The following ATXN1 variants were observed in gnomAD, a reference collection of about 807,000 sequenced individuals.
The protein encoded by ATXN1 is ataxin-1.
Under a neutral mutation model 56.4 loss-of-function variants are expected in ATXN1, and 8 were observed. The observed-to-expected ratio is 0.14, with a 90% CI of 0.08 to 0.26. The LOEUF is 0.26. Ranked by LOEUF, ATXN1 falls within the 10% of genes least tolerant of loss-of-function variation. The probability of loss-of-function intolerance (pLI) is 1.00; values close to 1 mark genes in which losing one functional copy is unlikely to be tolerated. For synonymous variants in ATXN1, 514 were observed against 494.6 expected (o/e 1.04, Z -0.52); for missense variants, 987 against 1,106.5 (o/e 0.89, Z 1.53).
chr6:16,556,093 TATTATCTTTTGCTTACAAATGATAAA>T (rs1440303575), intron 4 of ATXN1, among the ~76,000 whole-genome samples: 2 of 152,258 alleles, frequency 1.3e-5, no homozygotes. Context: ...AACTCTGTAT[TATTATCTTTTGCTTACAAATGATAAA>T]ATATTTCACT....
intron 2 of ATXN1, among the ~76,000 whole-genome samples, chr6:16,744,137 C>T (rs960687129): frequency 6.6e-6 from 1 of 152,136 alleles, no homozygotes; most frequent in Non-Finnish European, 1.5e-5. Context: ...CCAAACCACC[C>T]CAGCTCAGCA....
chr6:16,647,494 G>A (rs548354872), intron 3 of ATXN1, among the ~76,000 whole-genome samples: 178 of 152,258 alleles, frequency 1.2e-3, no homozygotes, highest in African/African-American at 4.2e-3. Context: ...AACTACCTAA[G>A]AAAACATATG....
At chr6:16,346,753 C>T (rs763450278) in intron 6 of ATXN1, among the ~76,000 whole-genome samples, 18 of 152,212 alleles carry the variant, frequency 1.2e-4, no homozygotes, top group Non-Finnish European at 1.9e-4. Context: ...GCTCTCTGCG[C>T]CTCCTCTGCC....
chr6:16,494,009 C>T (rs1230270970), intron 5 of ATXN1, among the ~76,000 whole-genome samples: 1 of 152,170 alleles, frequency 6.6e-6, no homozygotes, highest in East Asian at 1.9e-4. Flanking sequence ...GTGCAGAGCC[C>T]TGTCTCCACC....
chr6:16,605,409 C>G (rs1173739062), intron 3 of ATXN1, among the ~76,000 whole-genome samples: 1 of 152,180 alleles, frequency 6.6e-6, no homozygotes, highest in Non-Finnish European at 1.5e-5. Flanking sequence ...TACAGCAGAG[C>G]TGGGCTTATA....
chr6:16,564,332 A>T (rs1211307337), intron 4 of ATXN1, among the ~76,000 whole-genome samples: 1 of 152,176 alleles, frequency 6.6e-6, no homozygotes. Context: ...ATCACTTACA[A>T]TCTTAATTTG....
At chr6:16,523,306 C>T (rs942372496) in intron 4 of ATXN1, among the ~76,000 whole-genome samples, 1 of 152,232 alleles carries the variant, frequency 6.6e-6, no homozygotes, top group Non-Finnish European at 1.5e-5. Flanking sequence ...GACTGAGCCA[C>T]TTGCTCACGT....
intron 2 of ATXN1, among the ~76,000 whole-genome samples, chr6:16,726,308 G>A (rs1158086960): frequency 6.6e-6 from 1 of 151,604 alleles, no homozygotes; most frequent in Non-Finnish European, 1.5e-5. Context: ...GGAACCCGGG[G>A]GAGCAGAGGC....
At chr6:16,424,818 G>T (rs1051800354) in intron 6 of ATXN1, among the ~76,000 whole-genome samples, 4 of 152,176 alleles carry the variant, frequency 2.6e-5, no homozygotes, top group African/African-American at 9.6e-5. Context: ...CCAAGGGCTG[G>T]ACCATTCAGA....
chr6:16,650,185 G>A (rs561841716), intron 3 of ATXN1, among the ~76,000 whole-genome samples: 142 of 152,272 alleles, frequency 9.3e-4, no homozygotes, highest in South Asian at 4.1e-3. Flanking sequence ...ACAGGGACAG[G>A]TGCATGGTTA....
At chr6:16,746,523 G>T (rs902525322) in intron 2 of ATXN1, among the ~76,000 whole-genome samples, 2 of 152,202 alleles carry the variant, frequency 1.3e-5, no homozygotes, top group Admixed American at 1.3e-4. Flanking sequence ...TAGAAAAGCA[G>T]AGCTTCTGCA....
Position 16,327,507 on chromosome 6 carries a change from G to T in ATXN1, c.804C>A (p.Val268=). The T allele has an allele frequency of 6.2e-7, 1 of 1,612,830 alleles. No homozygotes were observed. Among genetic ancestry groups the T allele is most frequent in the Non-Finnish European group, 8.5e-7 (1 of 1,179,746 alleles). ...GRTASPPAIP[V]HLHPHQTMIP... ...TCATCGTCTGGTGGGGGTGGAGGTG[G>T]ACGGGGATGGCCGGAGGAGAGGCGG... The change falls in exon 7 of 8, where the codon GTC becomes GTA. Residue 268 remains valine, a synonymous_variant. Transcript: ENST00000436367.
intron 5 of ATXN1, among the ~76,000 whole-genome samples, chr6:16,497,667 T>C (rs1760805728): frequency 6.6e-6 from 1 of 152,180 alleles, no homozygotes; most frequent in Non-Finnish European, 1.5e-5. Context: ...AATGGACGAG[T>C]CCAGCCTGGT....
intron 2 of ATXN1, chr6:16,739,451 C>A (rs993739389): frequency 5.6e-6 from 1 of 178,340 alleles, no homozygotes; most frequent in Non-Finnish European, 1.2e-5. Flanking sequence ...TCCTCCACTG[C>A]CTCTACTCCA....
intron 2 of ATXN1, among the ~76,000 whole-genome samples, chr6:16,664,949 T>C (rs1393624880): frequency 2.6e-5 from 4 of 152,158 alleles, no homozygotes; most frequent in African/African-American, 4.8e-5. Flanking sequence ...ATAACATCTT[T>C]ATGAAAAAAT....
intron 3 of ATXN1, among the ~76,000 whole-genome samples, chr6:16,649,955 T>TG (rs1427049619): frequency 2.6e-5 from 4 of 151,910 alleles, no homozygotes; most frequent in African/African-American, 4.8e-5. Context: ...TGTTTTGTTT[T>TG]TTTTTTTCCT....
Position 16,303,683 on chromosome 6 carries a change from T to G in ATXN1, c.*2646A>C, listed in dbSNP as rs1760171293. On this transcript the variant is annotated 3_prime_UTR_variant, in exon 8 of 8. Transcript: ENST00000436367. The surrounding 1 kb of genome is among the most constrained non-coding windows in gnomAD (Gnocchi z 4.3). Reference sequence around the variant, plus strand: ...TCCTATTGCTCCAAACCATGTGTGTTTTCCCATCTTAGTGTTGGTTTAGTG... The same window carrying G: ...TCCTATTGCTCCAAACCATGTGTGTGTTCCCATCTTAGTGTTGGTTTAGTG... 6.6e-6 allele frequency: 1 copy of G among 152,662 alleles called. No individual in the cohort carries two copies. The highest frequency in any genetic ancestry group is 1.5e-5 in the Non-Finnish European group (1 of 68,044). The allele number at this position is 152,662 out of a possible 1,614,324, so 9.5% of individuals were successfully genotyped here. A position where few individuals can be genotyped will look rare whatever the true frequency, so the allele number is the denominator to read the frequency against.
chr6:16,326,364 C>T lies in ATXN1; in HGVS notation c.1917+30G>A, dbSNP rs1490113216. On this transcript the variant is annotated intron_variant, in intron 7 of 7. Coordinates refer to ENST00000436367, the MANE Select transcript of ATXN1 (RefSeq NM_001128164.2). The surrounding 1 kb of genome is among the most constrained non-coding windows in gnomAD (Gnocchi z 6.6). ...GATGATGGCATCACGGTGTGGTGTCCCATCCCTGTGCCACCCTGGCTAACG... is the reference window on the plus strand; with the variant it reads ...GATGATGGCATCACGGTGTGGTGTCTCATCCCTGTGCCACCCTGGCTAACG... 1 of 1,608,750 alleles carries T rather than the reference C, an allele frequency of 6.2e-7. No homozygotes were observed. Among genetic ancestry groups the T allele is most frequent in the East Asian group, 2.2e-5 (1 of 44,840 alleles).
intron 6 of ATXN1, among the ~76,000 whole-genome samples, chr6:16,443,664 T>C (rs760869199): frequency 3.3e-5 from 5 of 152,192 alleles, no homozygotes; most frequent in Non-Finnish European, 5.9e-5. Context: ...TTATTGCAAG[T>C]GTAGTGTGGG....
Sources: allele counts gnomAD v4.1 joint callset (sites outside exome capture counted in the v4.1 genomes callset), GRCh38; gene constraint gnomAD v4.1.1; non-coding constraint Gnocchi (gnomAD v3.1); transcripts MANE v1.5; gene names NCBI Gene and HGNC (gene_info 2026-07-23, HGNC 2026-07-21).